The following ENPP3 variants were observed in gnomAD, a reference collection of about 807,000 sequenced individuals.
ENPP3 encodes the protein ectonucleotide pyrophosphatase/phosphodiesterase 3, also known as ectonucleotide pyrophosphatase/phosphodiesterase family member 3.
Under a neutral mutation model 117.8 loss-of-function variants are expected in ENPP3, and 104 were observed. The observed-to-expected ratio is 0.88, with a 90% CI of 0.75 to 1.04. The LOEUF is 1.04. Ranked by LOEUF, ENPP3 falls within the 50% of genes least tolerant of loss-of-function variation. ENPP3 has a pLI of 0.00. For missense variants in ENPP3, 1,026 were observed against 1,051.9 expected (o/e 0.98, Z 0.34); for synonymous variants, 380 against 349.9 (o/e 1.09, Z -0.96).
intron 2 of ENPP3, among the ~76,000 whole-genome samples, chr6:131,644,332 G>T (rs1045162584): frequency 6.6e-6 from 1 of 152,190 alleles, no homozygotes; most frequent in African/African-American, 2.4e-5. Flanking sequence ...GCTGTGTTAT[G>T]AATAGATAGT....
intron 21 of ENPP3, among the ~76,000 whole-genome samples, chr6:131,734,610 C>G (rs1677313429): frequency 6.6e-6 from 1 of 151,816 alleles, no homozygotes; most frequent in Non-Finnish European, 1.5e-5. Flanking sequence ...TAAAAATTTG[C>G]AACAGGCTGG....
intron 2 of ENPP3, among the ~76,000 whole-genome samples, chr6:131,647,034 C>A (rs1416467348): frequency 6.7e-6 from 1 of 149,870 alleles, no homozygotes; most frequent in Non-Finnish European, 1.5e-5. Flanking sequence ...CCACTGCACC[C>A]ATCTAATTTT....
At chr6:131,689,856 A>G (rs1208294062) in intron 14 of ENPP3, among the ~76,000 whole-genome samples, 1 of 152,214 alleles carries the variant, frequency 6.6e-6, no homozygotes, top group African/African-American at 2.4e-5. Flanking sequence ...CATCATTAAT[A>G]GGAGTTTGGA....
chr6:131,738,168 G>A lies in ENPP3; in HGVS notation c.2300+5G>A, dbSNP rs376656179. 3.7e-6 allele frequency: 6 copies of A among 1,609,368 alleles called. No homozygotes were observed. In the African/African-American group the frequency reaches 4.0e-5, roughly 11 times the overall value. ...TGCTCCAGATGAAATTACCAAGTAA[G>A]TGATTTGACTTTTTGATTTATCAAT... On this transcript the variant is annotated splice_donor_5th_base_variant and intron_variant, in intron 23 of 24. Transcript: ENST00000357639.
chr6:131,681,942 C>G (rs1332938401), intron 11 of ENPP3, among the ~76,000 whole-genome samples: 1 of 152,112 alleles, frequency 6.6e-6, no homozygotes, highest in Non-Finnish European at 1.5e-5. Flanking sequence ...AAGTGATTCT[C>G]CTGCCTCAGC....
intron 3 of ENPP3, among the ~76,000 whole-genome samples, chr6:131,651,478 A>G (rs904245227): frequency 7.9e-5 from 12 of 152,180 alleles, no homozygotes; most frequent in African/African-American, 2.7e-4. Flanking sequence ...TAAGTTCAAC[A>G]TCTTGTTTGT....
At chr6:131,644,191 C>A (rs192027516) in intron 2 of ENPP3, among the ~76,000 whole-genome samples, 1 of 152,058 alleles carries the variant, frequency 6.6e-6, no homozygotes, top group African/African-American at 2.4e-5. Context: ...AAGAGGAACC[C>A]GATCAAGTAA....
chr6:131,684,257 G>C (rs1242095688), intron 12 of ENPP3, among the ~76,000 whole-genome samples: 1 of 152,194 alleles, frequency 6.6e-6, no homozygotes, highest in Non-Finnish European at 1.5e-5. Flanking sequence ...AGAGCATCCA[G>C]ATAATGGGAA....
intron 15 of ENPP3, among the ~76,000 whole-genome samples, chr6:131,697,826 G>A (rs1043690927): frequency 4.6e-5 from 7 of 152,070 alleles, no homozygotes; most frequent in African/African-American, 1.7e-4. Flanking sequence ...ACAGGTGTGG[G>A]TCCATGGCCC....
intron 14 of ENPP3, among the ~76,000 whole-genome samples, chr6:131,692,161 G>GAAAA (rs1295759807): frequency 6.6e-6 from 1 of 151,982 alleles, no homozygotes; most frequent in East Asian, 1.9e-4. Context: ...AAATAAATGA[G>GAAAA]AAAATGAGGA....
chr6:131,675,426 T>G (rs1778845812), intron 9 of ENPP3: 1 of 430,584 alleles, frequency 2.3e-6, no homozygotes, highest in Admixed American at 3.8e-5. Context: ...CCACTCTGGT[T>G]CGAGCTGTCA....
chr6:131,733,444 A>G (rs1043753868), intron 20 of ENPP3, 144 bp from the exon 21 acceptor site: 1 of 799,058 alleles, frequency 1.3e-6, no homozygotes, highest in African/African-American at 1.7e-5. Flanking sequence ...GAAGACATCC[A>G]TTCTCATTGC....
chr6:131,695,197 G>T (rs1217286700), intron 15 of ENPP3, among the ~76,000 whole-genome samples: 3 of 152,120 alleles, frequency 2.0e-5, no homozygotes, highest in Non-Finnish European at 4.4e-5. Context: ...ATTTAGGTAT[G>T]TAATATATAA....
At chr6:131,676,375 T>G (rs1333092180) in intron 9 of ENPP3, among the ~76,000 whole-genome samples, 1 of 152,180 alleles carries the variant, frequency 6.6e-6, no homozygotes, top group East Asian at 1.9e-4. Flanking sequence ...GTTTCCTCAC[T>G]GATACATTCT....
intron 6 of ENPP3, among the ~76,000 whole-genome samples, chr6:131,665,438 G>A (rs181458618): frequency 6.6e-6 from 1 of 151,982 alleles, no homozygotes; most frequent in Non-Finnish European, 1.5e-5. Flanking sequence ...AGATTTATTC[G>A]GACTTTCTAT....
At chr6:131,690,907 A>T (rs1228810111) in intron 14 of ENPP3, among the ~76,000 whole-genome samples, 2 of 151,782 alleles carry the variant, frequency 1.3e-5, no homozygotes, top group African/African-American at 2.4e-5. Context: ...CAACATGTGG[A>T]CTCTCTAAAT....
At chr6:131,736,544 T>A (rs962939950) in intron 21 of ENPP3, among the ~76,000 whole-genome samples, 3 of 151,754 alleles carry the variant, frequency 2.0e-5, no homozygotes, top group Non-Finnish European at 4.4e-5. Context: ...TCCCACAGGG[T>A]CCCTCCCACA....
chr6:131,678,921 CTTTCTTTCTTTCTTTCTTTCTTTCTT>C (rs1778935656), intron 11 of ENPP3, among the ~76,000 whole-genome samples: 3 of 69,582 alleles, frequency 4.3e-5, no homozygotes, highest in African/African-American at 2.7e-4. Flanking sequence ...TTCTTTCTTT[CTTTCTTTCTTTCTTTCTTTCTTTCTT>C]TCTTTCTTTC....
At chr6:131,671,425 C>T (rs948642052) in intron 7 of ENPP3, 98 bp downstream of exon 7, 4 of 740,198 alleles carry the variant, frequency 5.4e-6, no homozygotes, top group Admixed American at 2.2e-5. Flanking sequence ...TGTGACTTAC[C>T]CTTCTGAAGC....
Sources: gnomAD v4.1 joint callset for allele counts (sites outside exome capture counted in the v4.1 genomes callset) on GRCh38, gnomAD v4.1.1 for gene constraint, MANE v1.5 for transcripts, NCBI Gene and HGNC (gene_info 2026-07-23, HGNC 2026-07-21) for gene names.